Variants in GRM7 observed in about 807,000 individuals in gnomAD.
GRM7 encodes glutamate metabotropic receptor 7, also known as metabotropic glutamate receptor 7.
In GRM7, 35 loss-of-function variants were observed where a neutral mutation model predicts 84.5. The observed-to-expected ratio is 0.41, with a 90% confidence interval of 0.32 to 0.55. The LOEUF (loss-of-function observed/expected upper bound fraction) is 0.55. Among genes scored for constraint, GRM7 ranks in the 20% least tolerant of loss-of-function variants. The probability of loss-of-function intolerance (pLI) is 0.19; values close to 1 mark genes in which losing one functional copy is unlikely to be tolerated. For missense variants in GRM7, 1,003 were observed against 1,194.6 expected (o/e 0.84, Z 2.36); for synonymous variants, 487 against 455.1 (o/e 1.07, Z -0.89).
At chr3:7,607,240 A>C (rs1180256125) in intron 8 of GRM7, 1 of 151,932 alleles carries the variant, frequency 6.6e-6, no homozygotes, top group Non-Finnish European at 1.5e-5. Flanking sequence ...TATCTTTGCT[A>C]TCTTCCTTGG....
At chr3:7,643,363 T>C (rs1575586369) in intron 8 of GRM7, among the ~76,000 whole-genome samples, 1 of 150,674 alleles carries the variant, frequency 6.6e-6, no homozygotes, top group South Asian at 2.1e-4. Flanking sequence ...TAATGGGTGA[T>C]AGGGCACAGT....
intron 1 of GRM7, chr3:6,892,848 G>A (rs550942498): frequency 6.6e-6 from 1 of 152,238 alleles, no homozygotes; most frequent in South Asian, 2.1e-4. Context: ...TTGGAGATCA[G>A]CTTCTGTTGT....
chr3:7,561,772 T>C (rs755156645), intron 7 of GRM7, among the ~76,000 whole-genome samples: 2 of 152,176 alleles, frequency 1.3e-5, no homozygotes, highest in African/African-American at 2.4e-5. Context: ...TGTGGACTTA[T>C]AAGTTTGTGA....
At position 6,901,334 on chromosome 3, in the gene GRM7, T is replaced by C. The variant is rs1406386921; in HGVS notation, c.519+39427T>C. On this transcript the variant is annotated intron_variant, in intron 1 of 9. Coordinates refer to ENST00000357716, the MANE Select transcript of GRM7 (RefSeq NM_000844.4). ...ATTTATGTAGGCTGGGCGCAGTGGC[T>C]CACGCCTGTAATCCCAGTACTTTGG... Among the ~76,000 whole-genome samples the C allele has an allele frequency of 5.3e-5, 8 of 152,304 alleles. No individual in the cohort carries two copies. In the East Asian group the frequency reaches 1.4e-3, roughly 26 times the overall value.
chr3:7,690,654 A>C (rs1454566823), intron 9 of GRM7, among the ~76,000 whole-genome samples: 1 of 152,146 alleles, frequency 6.6e-6, no homozygotes, highest in African/African-American at 2.4e-5. Flanking sequence ...TTTTATGCCT[A>C]TTTTATTTCA....
chr3:7,167,770 C>G (rs928738900), intron 2 of GRM7, among the ~76,000 whole-genome samples: 1 of 151,828 alleles, frequency 6.6e-6, no homozygotes, highest in African/African-American at 2.4e-5. Context: ...GAGATTGAGA[C>G]CATCCTGGCT....
At chr3:7,237,398 A>G (rs990395671) in intron 2 of GRM7, among the ~76,000 whole-genome samples, 2 of 152,156 alleles carry the variant, frequency 1.3e-5, no homozygotes, top group Non-Finnish European at 2.9e-5. Context: ...AAATAACACC[A>G]AACCCCATGT....
At chr3:6,877,809 T>TCACACACACA (rs3220585) in intron 1 of GRM7, among the ~76,000 whole-genome samples, 7 of 145,540 alleles carry the variant, frequency 4.8e-5, no homozygotes, top group South Asian at 2.3e-4. Flanking sequence ...TACACAGATA[T>TCACACACACA]CACACACACA....
intron 2 of GRM7, among the ~76,000 whole-genome samples, chr3:7,295,693 T>C (rs2125017199): frequency 6.6e-6 from 1 of 152,308 alleles, no homozygotes; most frequent in East Asian, 1.9e-4. Flanking sequence ...TTTTCGGTGA[T>C]ACTATTAAAT....
intron 1 of GRM7, among the ~76,000 whole-genome samples, chr3:6,981,818 G>GA (rs928963769): frequency 2.0e-5 from 3 of 151,120 alleles, no homozygotes; most frequent in African/African-American, 4.9e-5. Context: ...GAGGCTGTAG[G>GA]AAAAAAAATA....
intron 2 of GRM7, among the ~76,000 whole-genome samples, chr3:7,166,029 T>C (rs1574980851): frequency 6.6e-6 from 1 of 152,218 alleles, no homozygotes; most frequent in East Asian, 1.9e-4. Flanking sequence ...ATCTTACTAT[T>C]ACTTATAATA....
chr3:7,492,067 G>C (rs1315106395), intron 7 of GRM7, among the ~76,000 whole-genome samples: 1 of 152,114 alleles, frequency 6.6e-6, no homozygotes. Context: ...ATCCCACATA[G>C]TCATGGTGTA....
chr3:7,217,098 A>G (rs1696639313), intron 2 of GRM7, among the ~76,000 whole-genome samples: 1 of 152,226 alleles, frequency 6.6e-6, no homozygotes, highest in Non-Finnish European at 1.5e-5. Flanking sequence ...AGGGGAAAAT[A>G]AGCAAAAAAG....
At chr3:7,445,910 A>G (rs954025019) in intron 5 of GRM7, among the ~76,000 whole-genome samples, 2 of 152,118 alleles carry the variant, frequency 1.3e-5, no homozygotes, top group Non-Finnish European at 2.9e-5. Flanking sequence ...AACATTCTGT[A>G]ACACTCCAGG....
intron 2 of GRM7, among the ~76,000 whole-genome samples, chr3:7,199,311 T>C (rs1308854870): frequency 6.6e-6 from 1 of 152,178 alleles, no homozygotes; most frequent in African/African-American, 2.4e-5. Context: ...ACCAGATATA[T>C]GAGTGAGGCC....
At chr3:7,442,707 T>C (rs1441440324) in intron 5 of GRM7, among the ~76,000 whole-genome samples, 1 of 152,174 alleles carries the variant, frequency 6.6e-6, no homozygotes, top group Non-Finnish European at 1.5e-5. Context: ...CCTTCCCATA[T>C]AGCATAGCTT....
chr3:7,329,824 A>G (rs1168564225), intron 4 of GRM7, among the ~76,000 whole-genome samples: 1 of 152,154 alleles, frequency 6.6e-6, no homozygotes, highest in Non-Finnish European at 1.5e-5. Flanking sequence ...TTAGATATGC[A>G]TAACATATAT....
intron 8 of GRM7, among the ~76,000 whole-genome samples, chr3:7,642,179 GC>G (rs925351894): frequency 3.3e-5 from 5 of 152,142 alleles, no homozygotes; most frequent in African/African-American, 1.2e-4. Context: ...GTACATTTTT[GC>G]CTAGGAATAT....
intron 2 of GRM7, among the ~76,000 whole-genome samples, chr3:7,251,495 C>A (rs558508167): frequency 6.6e-6 from 1 of 151,958 alleles, no homozygotes; most frequent in African/African-American, 2.4e-5. Flanking sequence ...ACTTCATATG[C>A]GTGAATCATT....
Sources: allele counts gnomAD v4.1 joint callset (sites outside exome capture counted in the v4.1 genomes callset), GRCh38; gene constraint gnomAD v4.1.1; transcripts MANE v1.5; gene names NCBI Gene and HGNC (gene_info 2026-07-23, HGNC 2026-07-21).